Variants in WWOX observed in about 807,000 individuals in gnomAD.
The protein encoded by WWOX is WW domain-containing oxidoreductase.
Under a neutral mutation model 46.2 loss-of-function variants are expected in WWOX, and 69 were observed. That is an observed-to-expected ratio of 1.49 (90% CI 1.23 to 1.82). The LOEUF is 1.82. Among genes scored for constraint, WWOX ranks in the 40% most tolerant of loss-of-function variants. WWOX has a pLI of 0.00. For missense variants in WWOX, 919 were observed against 542.6 expected, an observed-to-expected ratio of 1.69 and a Z score of -6.89; for synonymous variants, 359 against 202.6, an observed-to-expected ratio of 1.77 and a Z score of -6.56.
intron 8 of WWOX, among the ~76,000 whole-genome samples, chr16:78,797,182 G>C (rs1025938902): frequency 2.0e-5 from 3 of 151,830 alleles, no homozygotes; most frequent in Non-Finnish European, 4.4e-5. Context: ...CTGCCTCATT[G>C]GATGTGGAAG....
chr16:79,053,386 A>G (rs1183748336), intron 8 of WWOX, among the ~76,000 whole-genome samples: 3 of 152,200 alleles, frequency 2.0e-5, no homozygotes, highest in Non-Finnish European at 2.9e-5. Context: ...TAAAGAAACA[A>G]TCCTGGAGTG....
At position 79,009,391 on chromosome 16, in the gene WWOX, A is replaced by G. The variant is rs546444842; in HGVS notation, c.1057-202217A>G. ...ATGGAGCTCTAACTGGGGGCAAGGA[A>G]CTGTGCTACGGTTGGGAAGAGAGGA... On this transcript the variant is annotated intron_variant, in intron 8 of 8. Transcript: ENST00000566780. Among the ~76,000 whole-genome samples, 13 of 152,192 alleles carry G rather than the reference A, an allele frequency of 8.5e-5. No individual in the cohort carries two copies. The East Asian group carries it at 2.5e-3, about 29-fold the overall frequency.
At chr16:78,659,146 A>G (rs938326576) in intron 8 of WWOX, among the ~76,000 whole-genome samples, 4 of 151,874 alleles carry the variant, frequency 2.6e-5, no homozygotes, top group Admixed American at 6.6e-5. Flanking sequence ...TGGTGCACAC[A>G]TAAATTTGGA....
intron 5 of WWOX, among the ~76,000 whole-genome samples, chr16:78,377,765 G>C (rs2081864426): frequency 6.6e-6 from 1 of 152,138 alleles, no homozygotes; most frequent in African/African-American, 2.4e-5. Context: ...TACTGTCTAA[G>C]CATTTTTAAT....
chr16:78,948,736 G>T lies in WWOX; in HGVS notation c.1057-262872G>T, dbSNP rs541460887. Among the ~76,000 whole-genome samples, 200 of 152,202 alleles carry T rather than the reference G, an allele frequency of 1.3e-3. No homozygotes were observed. The Middle Eastern group carries it at 0.017, about 13-fold the overall frequency. On this transcript the variant is annotated intron_variant, in intron 8 of 8. Coordinates refer to ENST00000566780, the MANE Select transcript of WWOX (RefSeq NM_016373.4). ...AACTTTGGCCCTCGACATCTCCTCT[G>T]TTGGCATTACTCCTATGGTGGTGTT...
chr16:78,759,568 TTAAAC>T (rs1385936534), intron 8 of WWOX, among the ~76,000 whole-genome samples: 2 of 152,088 alleles, frequency 1.3e-5, no homozygotes, highest in Admixed American at 1.3e-4. Flanking sequence ...ATTGAATCCT[TTAAAC>T]TAACCCTCTA....
At chr16:78,849,305 T>A (rs926154415) in intron 8 of WWOX, among the ~76,000 whole-genome samples, 1 of 151,980 alleles carries the variant, frequency 6.6e-6, no homozygotes, top group African/African-American at 2.4e-5. Flanking sequence ...GCGCGGTGGC[T>A]CATGCCTGTA....
chr16:78,510,805 C>T (rs1011407046), intron 8 of WWOX, among the ~76,000 whole-genome samples: 2 of 152,198 alleles, frequency 1.3e-5, no homozygotes, highest in Non-Finnish European at 2.9e-5. Context: ...TAAACATTTA[C>T]CACAGCAGTG....
intron 8 of WWOX, among the ~76,000 whole-genome samples, chr16:78,954,642 A>G (rs1024210216): frequency 2.0e-5 from 3 of 152,144 alleles, no homozygotes; most frequent in Non-Finnish European, 4.4e-5. Context: ...CCTGACCTCA[A>G]TGATTTTTTG....
At chr16:78,134,394 C>G (rs1457893654) in intron 4 of WWOX, among the ~76,000 whole-genome samples, 1 of 151,940 alleles carries the variant, frequency 6.6e-6, no homozygotes, top group Non-Finnish European at 1.5e-5. Flanking sequence ...TGAATTTTAC[C>G]TATTCTGTAA....
intron 8 of WWOX, among the ~76,000 whole-genome samples, chr16:78,746,509 T>C (rs1349634117): frequency 6.6e-6 from 1 of 152,042 alleles, no homozygotes; most frequent in East Asian, 1.9e-4. Flanking sequence ...TGCATTGTAG[T>C]AATACTAGAT....
At position 78,499,160 on chromosome 16, in the gene WWOX, G is replaced by T. The variant is rs1452008020; in HGVS notation, c.1056+66408G>T. 5.9e-5 allele frequency among the ~76,000 whole-genome samples: 9 copies of T among 152,092 alleles called. No homozygotes were observed. The East Asian group carries it at 1.7e-3, about 29-fold the overall frequency. On this transcript the variant is annotated intron_variant, in intron 8 of 8. Coordinates refer to ENST00000566780, the MANE Select transcript of WWOX (RefSeq NM_016373.4). ...CCCTTCTCTTTCCTCGTGATGCACG[G>T]TGATAGTGCGTATCTAACACTTGAA...
intron 8 of WWOX, among the ~76,000 whole-genome samples, chr16:78,811,164 G>A (rs927000997): frequency 3.3e-5 from 5 of 152,140 alleles, no homozygotes; most frequent in Non-Finnish European, 2.9e-5. Flanking sequence ...TTCAGTATCC[G>A]AAAAACAATC....
intron 8 of WWOX, among the ~76,000 whole-genome samples, chr16:78,641,962 C>A (rs998220374): frequency 1.3e-5 from 2 of 152,076 alleles, no homozygotes; most frequent in African/African-American, 4.8e-5. Context: ...TATTCCTCCC[C>A]TTTTATCAAG....
At chr16:78,260,376 T>C (rs2151836094) in intron 5 of WWOX, among the ~76,000 whole-genome samples, 1 of 151,738 alleles carries the variant, frequency 6.6e-6, no homozygotes, top group South Asian at 2.1e-4. Context: ...CACAAAAATG[T>C]AAGGCTCATT....
At chr16:79,004,061 C>G (rs1364977698) in intron 8 of WWOX, 1 of 152,056 alleles carries the variant, frequency 6.6e-6, no homozygotes, top group African/African-American at 2.4e-5. Context: ...CCTTCCCAGT[C>G]TCTGGTGTTA....
At chr16:78,811,968 ATGTAATAATTACT>A (rs111274093) in intron 8 of WWOX, among the ~76,000 whole-genome samples, 2,364 of 152,304 alleles carry the variant, frequency 0.016, 64 homozygotes, top group African/African-American at 0.046. Flanking sequence ...TGTGCCAGAC[ATGTAATAATTACT>A]TGATAAACTA....
At chr16:78,355,583 G>A (rs1567520145) in intron 5 of WWOX, 1 of 492,652 alleles carries the variant, frequency 2.0e-6, no homozygotes, top group Non-Finnish European at 4.0e-6. Flanking sequence ...GGATCCCCTG[G>A]ATCTTAGGCT....
intron 8 of WWOX, among the ~76,000 whole-genome samples, chr16:78,932,798 C>T (rs1038805393): frequency 1.3e-5 from 2 of 152,170 alleles, no homozygotes; most frequent in African/African-American, 4.8e-5. Context: ...TGGTCCCAAG[C>T]CCCTCCTGTA....
Sources: gnomAD v4.1 joint callset for allele counts (sites outside exome capture counted in the v4.1 genomes callset) on GRCh38, gnomAD v4.1.1 for gene constraint, MANE v1.5 for transcripts, NCBI Gene and HGNC (gene_info 2026-07-23, HGNC 2026-07-21) for gene names.